UNC13C: variants seen among roughly 807,000 people sequenced by gnomAD.
The protein encoded by UNC13C is protein unc-13 homolog C.
A neutral mutation model predicts 245.4 loss-of-function variants in UNC13C; 174 were observed. The ratio of observed to expected loss-of-function variants is 0.71; its 90% confidence interval spans 0.63 to 0.80. The LOEUF (loss-of-function observed/expected upper bound fraction) is 0.80. Among genes scored for constraint, UNC13C ranks in the 30% least tolerant of loss-of-function variants. The pLI is 0.00. For synonymous variants in UNC13C, 992 were observed against 895.1 expected (o/e 1.11, Z -1.93); for missense variants, 2,829 against 2,602.9 (o/e 1.09, Z -1.89).
chr15:54,255,316 G>C (rs2036251787), intron 8 of UNC13C, among the ~76,000 whole-genome samples: 1 of 152,150 alleles, frequency 6.6e-6, no homozygotes, highest in African/African-American at 2.4e-5. Context: ...GTTTTATTGA[G>C]TGGAAGTAGC....
In UNC13C at chr15:54,014,558, A is replaced by G. The variant is rs1895548419; in HGVS notation, c.1655A>G (p.Asp552Gly). The G allele has an allele frequency of 6.2e-7, 1 of 1,613,776 alleles. No homozygotes were observed. The highest frequency in any genetic ancestry group is 1.1e-5 in the South Asian group (1 of 91,082). Reference protein sequence around the residue: ...FTAKLSRSESDFSKLCQSYSE... With the variant: ...FTAKLSRSESGFSKLCQSYSE... ...GCTAAACTTAGTCGTTCTGAATCAG[A>G]TTTTTCCAAATTGTGTCAGTCTTAC... is the stretch of plus-strand genomic sequence containing the variant. Residue 552 changes from aspartate (D) to glycine (G), a missense_variant, in exon 2 of 33, where the codon GAT (aspartate) becomes GGT (glycine). Coordinates refer to ENST00000260323, the MANE Select transcript of UNC13C (RefSeq NM_001080534.3).
intron 2 of UNC13C, among the ~76,000 whole-genome samples, chr15:54,076,078 T>TC (rs992357674): frequency 1.4e-5 from 2 of 147,650 alleles, no homozygotes; most frequent in South Asian, 2.1e-4. Flanking sequence ...TTTTTTTTTT[T>TC]CACTTTGTCT....
At chr15:54,228,304 G>T (rs1385504594) in intron 4 of UNC13C, among the ~76,000 whole-genome samples, 1 of 152,084 alleles carries the variant, frequency 6.6e-6, no homozygotes, top group Non-Finnish European at 1.5e-5. Context: ...AAAAGCCAAG[G>T]CATGGAATCA....
rs529231628 is a variant in UNC13C, at chr15:54,554,235, A to G, written c.5878-1197A>G. Among the ~76,000 whole-genome samples, 94 of 152,124 alleles carry G rather than the reference A, an allele frequency of 6.2e-4. 1 individual carries two copies. Among genetic ancestry groups the G allele is most frequent in the African/African-American group, 2.0e-3 (84 of 41,542 alleles). ...AAAGCTGAAGGAGTGAGCGAGACAT[A>G]GATAGATTATTATCTTCAGGAAGTC... is the stretch of plus-strand genomic sequence containing the variant. On this transcript the variant is annotated intron_variant, in intron 28 of 32. Transcript: ENST00000260323.
intron 2 of UNC13C, among the ~76,000 whole-genome samples, chr15:54,076,063 CT>C (rs369248247): frequency 0.045 from 5,581 of 124,802 alleles, 419 homozygotes; most frequent in African/African-American, 0.16. Context: ...CACTTAGATT[CT>C]TTTTTTTTTT....
intron 11 of UNC13C, 98 bp downstream of exon 11, chr15:54,294,162 C>T (rs1278382334): frequency 1.9e-6 from 2 of 1,062,528 alleles, no homozygotes; most frequent in Non-Finnish European, 2.6e-6. Flanking sequence ...ATAACCAATG[C>T]CTTTCCAGGA....
At position 54,171,641 on chromosome 15, in the gene UNC13C, G is replaced by A. The variant is rs561142830; in HGVS notation, c.3071+27957G>A. Among the ~76,000 whole-genome samples, 14 of 152,148 alleles carry A rather than the reference G, an allele frequency of 9.2e-5. No homozygotes were observed. In the South Asian group the frequency reaches 2.9e-3, roughly 32 times the overall value. ...AGAATGTGGAAAAAAGGGAATCCTC[G>A]TATACTGTTGGTGGGATTGTAAATT... On this transcript the variant is annotated intron_variant, in intron 4 of 32. Coordinates refer to ENST00000260323, the MANE Select transcript of UNC13C (RefSeq NM_001080534.3).
intron 30 of UNC13C, among the ~76,000 whole-genome samples, chr15:54,611,312 G>A (rs892999475): frequency 2.0e-5 from 3 of 152,116 alleles, no homozygotes; most frequent in Non-Finnish European, 4.4e-5. Flanking sequence ...AAATCAGCAA[G>A]AGCCCTTGGG....
chr15:54,167,148 A>T lies in UNC13C; in HGVS notation c.3071+23464A>T, dbSNP rs115569042. 8.5e-3 allele frequency among the ~76,000 whole-genome samples: 1,290 copies of T among 152,322 alleles called. 20 individuals carry two copies. The highest frequency in any genetic ancestry group is 0.03 in the African/African-American group (1,246 of 41,578). ...GAGTGAAAGATATGAAAGCAATAGA[A>T]ATACACCCACATAAATGTGGGCATT... On this transcript the variant is annotated intron_variant, in intron 4 of 32. Transcript: ENST00000260323.
intron 4 of UNC13C, among the ~76,000 whole-genome samples, chr15:54,212,891 A>G (rs2034926490): frequency 6.6e-6 from 1 of 152,086 alleles, no homozygotes; most frequent in African/African-American, 2.4e-5. Context: ...CATTAGGAAC[A>G]AACAGTACTT....
At chr15:53,934,109 G>A in the UNC13C span, among the ~76,000 whole-genome samples, 2 of 152,256 alleles carry the variant, frequency 1.3e-5, no homozygotes, top group East Asian at 3.9e-4. Context: ...GAGAGTGAGG[G>A]AGGTGCCACA....
At chr15:53,876,242 T>C in the UNC13C span, among the ~76,000 whole-genome samples, 1 of 152,194 alleles carries the variant, frequency 6.6e-6, no homozygotes, top group Non-Finnish European at 1.5e-5. Context: ...AATTCACTGG[T>C]ATCTCTGGTT....
At chr15:54,455,829 C>T (rs926461287) in intron 19 of UNC13C, among the ~76,000 whole-genome samples, 10 of 152,106 alleles carry the variant, frequency 6.6e-5, no homozygotes, top group Non-Finnish European at 1.3e-4. Context: ...TGTCTGTTTA[C>T]TCTGCTGATT....
At chr15:54,123,885 C>T (rs2030851526) in intron 2 of UNC13C, among the ~76,000 whole-genome samples, 1 of 152,132 alleles carries the variant, frequency 6.6e-6, no homozygotes, top group South Asian at 2.1e-4. Flanking sequence ...CTGGCAACTG[C>T]TAATGTGTTT....
At chr15:54,357,606 T>C (rs1006329260) in intron 17 of UNC13C, among the ~76,000 whole-genome samples, 17 of 152,062 alleles carry the variant, frequency 1.1e-4, no homozygotes, top group African/African-American at 4.1e-4. Flanking sequence ...AGCATATGCG[T>C]ATATTAAAAA....
chr15:54,049,417 G>A (rs967738009), intron 2 of UNC13C: 3 of 503,080 alleles, frequency 6.0e-6, no homozygotes, highest in Admixed American at 4.4e-5. Context: ...TATAATTGGT[G>A]TATTCCAGTT....
At chr15:54,132,027 A>T (rs1285224412) in intron 2 of UNC13C, among the ~76,000 whole-genome samples, 1 of 149,784 alleles carries the variant, frequency 6.7e-6, no homozygotes, top group Non-Finnish European at 1.5e-5. Flanking sequence ...TATCTTTAAC[A>T]TCCTTATGAT....
chr15:54,623,680 T>C (rs1566945614), intron 31 of UNC13C, 115 bp from the exon 32 acceptor site: 1 of 884,510 alleles, frequency 1.1e-6, no homozygotes, highest in Non-Finnish European at 1.7e-6. Context: ...TACAGTGTCT[T>C]GTCAGTGGAG....
chr15:54,211,995 G>A (rs1404776735), intron 4 of UNC13C, among the ~76,000 whole-genome samples: 1 of 152,016 alleles, frequency 6.6e-6, no homozygotes, highest in African/African-American at 2.4e-5. Context: ...TATTTTATAT[G>A]GGGTCCTAAT....
Sources: gnomAD v4.1 joint callset for allele counts (sites outside exome capture counted in the v4.1 genomes callset) on GRCh38, gnomAD v4.1.1 for gene constraint, MANE v1.5 for transcripts, NCBI Gene and HGNC (gene_info 2026-07-23, HGNC 2026-07-21) for gene names.